The following CCDC178 variants were observed in gnomAD, a reference collection of about 807,000 sequenced individuals.
CCDC178 encodes the protein coiled-coil domain containing 178.
Under a neutral mutation model 117.4 loss-of-function variants are expected in CCDC178, and 126 were observed. That is an observed-to-expected ratio of 1.07 (90% CI 0.93 to 1.24). CCDC178 has a LOEUF of 1.24. Among genes scored for constraint, CCDC178 ranks in the 50% most tolerant of loss-of-function variants. CCDC178 has a pLI of 0.00. For missense variants in CCDC178, 1,030 were observed against 986.9 expected (o/e 1.04, Z -0.59); for synonymous variants, 283 against 313.4 (o/e 0.90, Z 1.02).
At chr18:32,994,164 T>A (rs2055453755) in intron 21 of CCDC178, among the ~76,000 whole-genome samples, 1 of 149,842 alleles carries the variant, frequency 6.7e-6, no homozygotes, top group African/African-American at 2.5e-5. Flanking sequence ...AGCATCCCCC[T>A]CCAATTGGTT....
chr18:33,403,079 A>G (rs534303690), intron 3 of CCDC178, among the ~76,000 whole-genome samples: 21 of 152,280 alleles, frequency 1.4e-4, no homozygotes, highest in African/African-American at 5.1e-4. Flanking sequence ...AGGATTTGGC[A>G]CACACACAGA....
chr18:33,412,381 A>C (rs1169891599), intron 2 of CCDC178, among the ~76,000 whole-genome samples: 2 of 152,106 alleles, frequency 1.3e-5, no homozygotes, highest in Non-Finnish European at 2.9e-5. Flanking sequence ...ATAATTTAGC[A>C]TTGGCAATTG....
intron 21 of CCDC178, among the ~76,000 whole-genome samples, chr18:32,995,473 C>G (rs1023411641): frequency 6.6e-6 from 1 of 152,010 alleles, no homozygotes; most frequent in African/African-American, 2.4e-5. Flanking sequence ...TAATTTACAT[C>G]AGATTTATTA....
rs142930872 is a variant in CCDC178 at position 32,938,462 on chromosome 18, G to C, written c.2524-371C>G. ...TTATTAGATAAGAACAAATTATAAT[G>C]ATGGTCACTAGGCTTCTGTTCATAG... On this transcript the variant is annotated intron_variant, in intron 22 of 22. Transcript: ENST00000383096. The C allele has an allele frequency of 4.1e-3, 670 of 165,412 alleles. 3 individuals carry two copies. The highest frequency in any genetic ancestry group is 0.017 in the Middle Eastern group (6 of 350). The allele number at this position is 165,412 out of a possible 1,614,324, so 10.2% of individuals were successfully genotyped here.
At position 33,215,663 on chromosome 18, in the gene CCDC178, TTC is replaced by T; in HGVS notation, c.1963_1964del (p.Glu655SerfsTer3). 1 of 1,536,108 alleles carries T rather than the reference TTC, an allele frequency of 6.5e-7. No homozygotes were observed. Among genetic ancestry groups the T allele is most frequent in the East Asian group, 2.4e-5 (1 of 40,888 alleles). ...AAATCATTGTCTTACTTTTAGTTGCTTCTAGGTCTTTAAAAATTGCTGAGCGT... is the reference window on the plus strand; with the variant it reads ...AAATCATTGTCTTACTTTTAGTTGCTTAGGTCTTTAAAAATTGCTGAGCGT... ...SKRSAIFKDL[E>X]ATKSKTMIFY... On this transcript the variant is annotated frameshift_variant, in exon 19 of 23. Coordinates refer to ENST00000383096, the MANE Select transcript of CCDC178 (RefSeq NM_001105528.4). LOFTEE classifies it high-confidence loss of function.
Position 33,346,312 on chromosome 18 carries a change from T to G in CCDC178, c.557A>C (p.Glu186Ala), listed in dbSNP as rs1386105882. Reference sequence around the variant, plus strand: ...TCTTGATCTCTGTTGTTTTAAAGCTTCTTCAGCGTCTGCCCGGTCAGTTTC... The same window carrying G: ...TCTTGATCTCTGTTGTTTTAAAGCTGCTTCAGCGTCTGCCCGGTCAGTTTC... ...SLETDRADAEEALKQQRSRKN... is the reference protein window; with the variant it reads ...SLETDRADAEAALKQQRSRKN... Residue 186 changes from glutamate (E) to alanine (A), a missense_variant, in exon 9 of 23, where the codon GAA (glutamate) becomes GCA (alanine). Transcript: ENST00000383096. 2.5e-6 allele frequency: 4 copies of G among 1,613,532 alleles called. No homozygotes were observed. The highest frequency in any genetic ancestry group is 1.7e-5 in the Admixed American group (1 of 59,992).
chr18:33,288,569 CA>C (rs1464894030), intron 12 of CCDC178, among the ~76,000 whole-genome samples: 5 of 151,004 alleles, frequency 3.3e-5, no homozygotes, highest in African/African-American at 1.2e-4. Flanking sequence ...TACACAGAGA[CA>C]AAGAAAGAGT....
intron 21 of CCDC178, among the ~76,000 whole-genome samples, chr18:32,991,954 TG>T (rs1220326525): frequency 6.6e-6 from 1 of 152,228 alleles, no homozygotes; most frequent in African/African-American, 2.4e-5. Flanking sequence ...GTGTTGTGTT[TG>T]TGGTATAAAG....
intron 2 of CCDC178, among the ~76,000 whole-genome samples, chr18:33,422,846 G>A (rs1315904063): frequency 6.6e-6 from 1 of 152,126 alleles, no homozygotes; most frequent in Non-Finnish European, 1.5e-5. Context: ...TTTGCTCTCT[G>A]TCTATTAAAG....
chr18:33,271,013 T>C (rs189886252), intron 12 of CCDC178, among the ~76,000 whole-genome samples: 4 of 151,654 alleles, frequency 2.6e-5, no homozygotes, highest in South Asian at 4.1e-4. Context: ...ATGTGTATAC[T>C]ATTGAAATTG....
intron 22 of CCDC178, among the ~76,000 whole-genome samples, chr18:32,959,070 T>A (rs1200013655): frequency 6.6e-6 from 1 of 152,178 alleles, no homozygotes; most frequent in Admixed American, 6.5e-5. Flanking sequence ...CAGATATTGA[T>A]GAAACTGAAA....
intron 21 of CCDC178, among the ~76,000 whole-genome samples, chr18:33,040,947 T>TA (rs2056538916): frequency 6.6e-6 from 1 of 151,878 alleles, no homozygotes; most frequent in South Asian, 2.1e-4. Flanking sequence ...AATGAAAGAA[T>TA]AGTGTGAATA....
chr18:33,348,846 C>T, intron 8 of CCDC178, 44 bp downstream of exon 8: 1 of 1,230,380 alleles, frequency 8.1e-7, no homozygotes, highest in Non-Finnish European at 1.2e-6. Context: ...AGTCAATGAA[C>T]TTTTAAATAT....
intron 20 of CCDC178, among the ~76,000 whole-genome samples, chr18:33,126,104 A>T (rs1396560607): frequency 6.6e-6 from 1 of 152,134 alleles, no homozygotes; most frequent in East Asian, 1.9e-4. Flanking sequence ...ACAGGAGACA[A>T]GTGTGAATGC....
Position 32,938,098 on chromosome 18 carries a change from A to G in CCDC178, c.2524-7T>C. 2 of 1,605,732 alleles carry G rather than the reference A, an allele frequency of 1.2e-6. No individual in the cohort carries two copies. The highest frequency in any genetic ancestry group is 1.7e-6 in the Non-Finnish European group (2 of 1,172,468). ...TTAAATTTGAAGATTCCTCCTGTTC[A>G]GAAGCAAGAAACAAACAAAATCAAT... On this transcript the variant is annotated splice_region_variant and splice_polypyrimidine_tract_variant and intron_variant, in intron 22 of 22. Coordinates refer to ENST00000383096, the MANE Select transcript of CCDC178 (RefSeq NM_001105528.4).
At chr18:33,155,811 A>T (rs1184512653) in intron 20 of CCDC178, among the ~76,000 whole-genome samples, 1 of 152,140 alleles carries the variant, frequency 6.6e-6, no homozygotes, top group Non-Finnish European at 1.5e-5. Flanking sequence ...TAGCAGACCC[A>T]GACATGGAAA....
At chr18:33,117,120 C>A (rs1287509535) in intron 20 of CCDC178, among the ~76,000 whole-genome samples, 1 of 151,986 alleles carries the variant, frequency 6.6e-6, no homozygotes, top group Non-Finnish European at 1.5e-5. Context: ...CTGGGGAAGA[C>A]AAATATGTAT....
chr18:33,076,075 G>A (rs1027350592), intron 21 of CCDC178, among the ~76,000 whole-genome samples: 1 of 152,180 alleles, frequency 6.6e-6, no homozygotes, highest in African/African-American at 2.4e-5. Flanking sequence ...TCTTCTAAAT[G>A]CATGCTTCAT....
intron 21 of CCDC178, among the ~76,000 whole-genome samples, chr18:33,054,067 TG>T (rs1175137810): frequency 1.3e-5 from 2 of 152,278 alleles, no homozygotes; most frequent in East Asian, 3.9e-4. Flanking sequence ...TTGCCCTTTT[TG>T]TGTAGTTAAT....
Sources: allele counts gnomAD v4.1 joint callset (sites outside exome capture counted in the v4.1 genomes callset), GRCh38; gene constraint gnomAD v4.1.1; transcripts MANE v1.5; gene names NCBI Gene and HGNC (gene_info 2026-07-23, HGNC 2026-07-21).